The following COBL variants were observed in gnomAD, a reference collection of about 807,000 sequenced individuals.
COBL encodes cordon-bleu WH2 repeat protein.
COBL carries 51 observed loss-of-function variants against 98.8 expected under a neutral mutation model. That is an observed-to-expected ratio of 0.52 (90% CI 0.41 to 0.65). COBL has a LOEUF of 0.65. COBL is among the 30% of genes least tolerant of loss of function. COBL has a pLI of 0.00. For missense variants in COBL, 1,617 were observed against 1,617.5 expected (o/e 1.00, Z 0.01); for synonymous variants, 634 against 651.7 (o/e 0.97, Z 0.41).
At chr7:51,051,619 G>T (rs1790244476) in intron 7 of COBL, among the ~76,000 whole-genome samples, 1 of 152,148 alleles carries the variant, frequency 6.6e-6, no homozygotes, top group Non-Finnish European at 1.5e-5. Flanking sequence ...TTAAATGGGG[G>T]TATCAGCGAT....
chr7:51,193,693 A>AT (rs1790335266), intron 2 of COBL, 104 bp from the exon 3 acceptor site: 1 of 952,622 alleles, frequency 1.0e-6, no homozygotes, highest in African/African-American at 1.6e-5. Context: ...GAATGAGCAA[A>AT]TTAGATATGC....
At chr7:51,164,472 A>C (rs1198104630) in intron 5 of COBL, among the ~76,000 whole-genome samples, 3 of 152,178 alleles carry the variant, frequency 2.0e-5, no homozygotes, top group African/African-American at 7.2e-5. Context: ...TAACATATTT[A>C]AAGTTCTGAA....
chr7:51,161,631 T>G (rs1377738077), intron 5 of COBL, among the ~76,000 whole-genome samples: 1 of 126,970 alleles, frequency 7.9e-6, no homozygotes, highest in East Asian at 1.9e-4. Flanking sequence ...TGTTGTTTGC[T>G]TGTTTTATAA....
At chr7:51,029,869 G>C (rs1435473913) in intron 9 of COBL, among the ~76,000 whole-genome samples, 1 of 152,126 alleles carries the variant, frequency 6.6e-6, no homozygotes, top group Admixed American at 6.6e-5. Context: ...CTGATTTGTA[G>C]ATCCAAGCCT....
At position 51,274,508 on chromosome 7, in the gene COBL, G is replaced by A. The variant is rs117366407; in HGVS notation, c.41+42085C>T. Among the ~76,000 whole-genome samples the A allele has an allele frequency of 9.5e-3, 1,441 of 152,272 alleles. 14 individuals are homozygous for A. The highest frequency in any genetic ancestry group is 0.014 in the South Asian group (68 of 4,820). ...TGACCATTCATTATCCATGAAAGAA[G>A]GAAAGAATTGTACCCCACAGAATGG... is the stretch of plus-strand genomic sequence containing the variant. On this transcript the variant is annotated intron_variant, in intron 1 of 12. Transcript: ENST00000265136.
In COBL at chr7:51,030,876, TTC is replaced by T; in HGVS notation, c.1438_1439del (p.Glu480ArgfsTer11). 6.7e-7 allele frequency: 1 copy of T among 1,486,450 alleles called. No homozygotes were observed. Among genetic ancestry groups the T allele is most frequent in the Non-Finnish European group, 9.2e-7 (1 of 1,083,174 alleles). 92.1% of individuals were successfully genotyped at this position (1,486,450 alleles called of 1,614,324 possible). ...ACTCTCCAGCAATTAATAGGTCTTC[TTC>T]ATCATTTGAGGCTGTGACAGCTTTT... ...TEKAVTASND[E>X]EDLLIAGEFR... On this transcript the variant is annotated frameshift_variant, in exon 9 of 13. Transcript: ENST00000265136. LOFTEE classifies it high-confidence loss of function.
At position 51,184,147 on chromosome 7, in the gene COBL, TTTC is replaced by T. The variant is rs1398826414; in HGVS notation, c.735_737del (p.Lys247del). ...TAACTTTGAAAAATCCCAGAAATTT[TTTC>T]TTCTCTTTATCTGTCTCATCATTGC... On this transcript the variant is annotated inframe_deletion, in exon 5 of 13. Coordinates refer to ENST00000265136, the MANE Select transcript of COBL (RefSeq NM_015198.5). 1.3e-6 allele frequency: 2 copies of T among 1,570,740 alleles called. No homozygotes were observed. The highest frequency in any genetic ancestry group is 1.7e-6 in the Non-Finnish European group (2 of 1,155,506).
intron 2 of COBL, among the ~76,000 whole-genome samples, chr7:51,216,647 T>C (rs1481250874): frequency 6.6e-6 from 1 of 152,120 alleles, no homozygotes; most frequent in Non-Finnish European, 1.5e-5. Flanking sequence ...CAACTTTTAT[T>C]TATGTTTCTT....
chr7:51,185,579 G>A (rs892248000), intron 4 of COBL, among the ~76,000 whole-genome samples: 1 of 152,182 alleles, frequency 6.6e-6, no homozygotes, highest in Non-Finnish European at 1.5e-5. Context: ...TTCTCTGCCA[G>A]GGCATACAGA....
chr7:51,167,652 G>C (rs1327131109), intron 5 of COBL, among the ~76,000 whole-genome samples: 1 of 151,928 alleles, frequency 6.6e-6, no homozygotes, highest in Non-Finnish European at 1.5e-5. Context: ...AAAACTGAAG[G>C]AATCACATTA....
chr7:51,181,261 C>T (rs1018336556), intron 5 of COBL, among the ~76,000 whole-genome samples: 2 of 152,168 alleles, frequency 1.3e-5, no homozygotes, highest in Non-Finnish European at 2.9e-5. Context: ...TTTTTATCCA[C>T]AGAATGTGAG....
At chr7:51,162,850 C>G (rs1006847303) in intron 5 of COBL, among the ~76,000 whole-genome samples, 9 of 152,220 alleles carry the variant, frequency 5.9e-5, no homozygotes, top group African/African-American at 2.2e-4. Context: ...ATCAGAGATT[C>G]ACTATGACTT....
chr7:51,311,120 T>C (rs1802992682), intron 1 of COBL, among the ~76,000 whole-genome samples: 1 of 152,214 alleles, frequency 6.6e-6, no homozygotes, highest in African/African-American at 2.4e-5. Flanking sequence ...TAACCAAATG[T>C]ATCCAAGAAA....
At chr7:51,228,443 A>T (rs1794415122) in intron 1 of COBL, among the ~76,000 whole-genome samples, 7 of 151,934 alleles carry the variant, frequency 4.6e-5, no homozygotes, top group Admixed American at 4.6e-4. Flanking sequence ...GCGAGGGTAG[A>T]GTAGAAGCTG....
At chr7:51,201,760 C>G (rs1008277744) in intron 2 of COBL, among the ~76,000 whole-genome samples, 2 of 151,956 alleles carry the variant, frequency 1.3e-5, no homozygotes, top group African/African-American at 2.4e-5. Context: ...TTCCAAGTGC[C>G]TTTTCCAGCC....
At chr7:51,043,773 C>T (rs1022886430) in intron 7 of COBL, 81 bp from the exon 8 acceptor site, 77 of 1,250,448 alleles carry the variant, frequency 6.2e-5, no homozygotes, top group Middle Eastern at 2.2e-4. Context: ...ATCAGTCTGT[C>T]GGCCCCGCTC....
intron 1 of COBL, among the ~76,000 whole-genome samples, chr7:51,240,994 G>C (rs557329258): frequency 7.7e-4 from 117 of 152,280 alleles, no homozygotes; most frequent in Non-Finnish European, 1.3e-3. Flanking sequence ...AGTGGGCCTT[G>C]CCACCCACCC....
At chr7:51,172,674 C>T in intron 5 of COBL, 1 of 327,500 alleles carries the variant, frequency 3.1e-6, no homozygotes, top group Non-Finnish European at 5.1e-6. Context: ...TTTACCACTT[C>T]TGCCAGTTTA....
chr7:51,121,165 A>G (rs1797702188), intron 6 of COBL, among the ~76,000 whole-genome samples: 1 of 152,194 alleles, frequency 6.6e-6, no homozygotes, highest in Non-Finnish European at 1.5e-5. Flanking sequence ...ATTTCTCTAC[A>G]TCCCCGCCAA....
Sources: gnomAD v4.1 joint callset for allele counts (sites outside exome capture counted in the v4.1 genomes callset) on GRCh38, gnomAD v4.1.1 for gene constraint, MANE v1.5 for transcripts, NCBI Gene and HGNC (gene_info 2026-07-23, HGNC 2026-07-21) for gene names.